The following ARHGEF18 variants were observed in gnomAD, a reference collection of about 807,000 sequenced individuals.
ARHGEF18 encodes the protein rho guanine nucleotide exchange factor 18.
In ARHGEF18, 93 loss-of-function variants were observed where a neutral mutation model predicts 155.7. The ratio of observed to expected loss-of-function variants is 0.60; its 90% CI spans 0.50 to 0.71. The LOEUF is 0.71. ARHGEF18 is among the 30% of genes least tolerant of loss of function. The probability of loss-of-function intolerance (pLI) is 0.00; values close to 1 mark genes in which losing one functional copy is unlikely to be tolerated. For missense variants in ARHGEF18, 1,593 were observed against 1,816.1 expected, an observed-to-expected ratio of 0.88 and a Z score of 2.23; for synonymous variants, 742 against 753.1, an observed-to-expected ratio of 0.99 and a Z score of 0.24.
chr19:7,367,882 ATTTTATATATATT>A (rs1444928977), intron 2 of ARHGEF18, among the ~76,000 whole-genome samples: 1 of 39,878 alleles, frequency 2.5e-5, no homozygotes, highest in Non-Finnish European at 3.8e-5. Flanking sequence ...ATATATATAT[ATTTTATATATATT>A]TTTTATATAT....
intron 17 of ARHGEF18, among the ~76,000 whole-genome samples, chr19:7,454,123 A>T (rs1397732659): frequency 6.8e-6 from 1 of 147,522 alleles, no homozygotes; most frequent in East Asian, 2.1e-4. Context: ...GAGTGGTGGC[A>T]CCATATTGGA....
intron 10 of ARHGEF18, chr19:7,439,574 T>G: frequency 1.6e-6 from 1 of 621,810 alleles, no homozygotes. Flanking sequence ...GACAGCGGTT[T>G]GCAGCCCCTG....
chr19:7,425,372 A>G (rs1973599380), intron 10 of ARHGEF18, among the ~76,000 whole-genome samples: 1 of 152,134 alleles, frequency 6.6e-6, no homozygotes, highest in Non-Finnish European at 1.5e-5. Flanking sequence ...AAAAAAAACA[A>G]ACTTTTGAAG....
intron 10 of ARHGEF18, among the ~76,000 whole-genome samples, chr19:7,425,555 G>C (rs1973611756): frequency 6.6e-6 from 1 of 151,848 alleles, no homozygotes; most frequent in Non-Finnish European, 1.5e-5. Context: ...GGTGGCGGGT[G>C]CCTGTAATCC....
chr19:7,474,705 ACAC>A (rs1193569158), downstream of ARHGEF18, among the ~76,000 whole-genome samples: 3 of 151,322 alleles, frequency 2.0e-5, no homozygotes, highest in Non-Finnish European at 4.4e-5. Context: ...GGTCAAATGC[ACAC>A]AACATAAAAC....
intron 17 of ARHGEF18, among the ~76,000 whole-genome samples, chr19:7,454,215 G>T (rs935502423): frequency 3.3e-5 from 5 of 150,666 alleles, no homozygotes; most frequent in African/African-American, 1.2e-4. Flanking sequence ...CATCTTGGTG[G>T]GTTCCCTCTT....
In ARHGEF18 at chr19:7,364,686, C is replaced by T. The variant is rs372483918; in HGVS notation, c.15+1781C>T. On this transcript the variant is annotated intron_variant, in intron 2 of 28. Coordinates refer to ENST00000668164, the MANE Select transcript of ARHGEF18 (RefSeq NM_001367823.1). The stretch of plus-strand genomic sequence containing the variant: ...GATGGTGTGTGGCTGGGACTGAGGT[C>T]GTGGCAAAGGTCCTGGTGACAGCCT... 1.7e-4 allele frequency among the ~76,000 whole-genome samples: 26 copies of T among 152,212 alleles called. No individual in the cohort carries two copies. The East Asian group carries it at 3.5e-3, about 20-fold the overall frequency.
chr19:7,466,845 G>GAAAAAGAAA, intron 23 of ARHGEF18, 73 bp from the exon 24 acceptor site: 2 of 726,708 alleles, frequency 2.8e-6, no homozygotes, highest in South Asian at 1.9e-5. Flanking sequence ...AAAAGAAGAA[G>GAAAAAGAAA]AAGAAGAAGG....
chr19:7,427,820 C>T (rs1190473077), intron 10 of ARHGEF18, among the ~76,000 whole-genome samples: 1 of 151,910 alleles, frequency 6.6e-6, no homozygotes, highest in African/African-American at 2.4e-5. Flanking sequence ...TTGGCACACG[C>T]CTGTAATCCC....
At position 7,440,081 on chromosome 19, in the gene ARHGEF18, TC is replaced by T; in HGVS notation, c.968-260del. 1 of 1,549,460 alleles carries T rather than the reference TC, an allele frequency of 6.5e-7. No individual in the cohort carries two copies. On this transcript the variant is annotated intron_variant, in intron 10 of 28. Coordinates refer to ENST00000668164, the MANE Select transcript of ARHGEF18 (RefSeq NM_001367823.1). The surrounding 1 kb of genome is among the most constrained non-coding windows in gnomAD (Gnocchi z 5.4). ...CAGCCCAGCCTGGCGCCGCGCCGGG[TC>T]CCGGAGCCCCGGGCGCGAACATGGG...
chr19:7,391,854 T>G (rs1971418804), intron 10 of ARHGEF18, among the ~76,000 whole-genome samples: 1 of 151,742 alleles, frequency 6.6e-6, no homozygotes, highest in Non-Finnish European at 1.5e-5. Flanking sequence ...TATCCAGCCC[T>G]AATTGTCGAA....
At chr19:7,458,094 C>T (rs560899315) in intron 18 of ARHGEF18, among the ~76,000 whole-genome samples, 90 of 151,908 alleles carry the variant, frequency 5.9e-4, no homozygotes, top group Admixed American at 9.9e-4. Flanking sequence ...CAAGACCAGC[C>T]TGGGCAACAT....
chr19:7,370,221 C>T (rs762587541), intron 2 of ARHGEF18, among the ~76,000 whole-genome samples: 26 of 151,524 alleles, frequency 1.7e-4, no homozygotes, highest in Non-Finnish European at 3.2e-4. Flanking sequence ...AGGGGCTGGG[C>T]GCGGTGGCTC....
chr19:7,410,613 C>T (rs2145618244), intron 10 of ARHGEF18, among the ~76,000 whole-genome samples: 1 of 151,852 alleles, frequency 6.6e-6, no homozygotes, highest in Admixed American at 6.6e-5. Flanking sequence ...AGTTCGAGAC[C>T]AGCCTGGCCA....
chr19:7,416,371 G>A (rs925521719), intron 10 of ARHGEF18, among the ~76,000 whole-genome samples: 24 of 152,080 alleles, frequency 1.6e-4, no homozygotes, highest in East Asian at 9.7e-4. Context: ...CTACGATCAC[G>A]CCACTGCAGT....
intron 10 of ARHGEF18, among the ~76,000 whole-genome samples, chr19:7,438,700 C>T (rs923995334): frequency 6.6e-6 from 1 of 152,028 alleles, no homozygotes; most frequent in Non-Finnish European, 1.5e-5. Flanking sequence ...CATGAGCCAC[C>T]GTGTCCGGCC....
At chr19:7,457,193 C>T (rs923515665) in intron 18 of ARHGEF18, among the ~76,000 whole-genome samples, 2 of 151,876 alleles carry the variant, frequency 1.3e-5, no homozygotes, top group African/African-American at 2.4e-5. Context: ...CTTCTGAGGC[C>T]CCTTGGCTTG....
chr19:7,373,559 T>G (rs1472817450), intron 3 of ARHGEF18, among the ~76,000 whole-genome samples: 1 of 151,038 alleles, frequency 6.6e-6, no homozygotes, highest in East Asian at 2.0e-4. Flanking sequence ...CACTGCAATC[T>G]CCGCCTCCTG....
intron 22 of ARHGEF18, 123 bp downstream of exon 22, chr19:7,464,078 C>A: frequency 7.4e-7 from 1 of 1,359,256 alleles, no homozygotes; most frequent in Non-Finnish European, 9.7e-7. Context: ...TGCTCTGTCA[C>A]CCAGGCTGGA....
Sources: gnomAD v4.1 joint callset for allele counts (sites outside exome capture counted in the v4.1 genomes callset) on GRCh38, gnomAD v4.1.1 for gene constraint, Gnocchi (gnomAD v3.1) non-coding constraint, MANE v1.5 for transcripts, NCBI Gene and HGNC (gene_info 2026-07-23, HGNC 2026-07-21) for gene names.